The following SUGCT variants were observed in gnomAD, a reference collection of about 807,000 sequenced individuals.
The protein encoded by SUGCT is succinyl-CoA:glutarate-CoA transferase.
In SUGCT, 41 loss-of-function variants were observed where a neutral mutation model predicts 55.0. The observed-to-expected ratio is 0.74, with a 90% CI of 0.58 to 0.97. The LOEUF is 0.97. SUGCT is among the 50% of genes least tolerant of loss of function. The pLI is 0.00. For missense variants in SUGCT, 568 were observed against 547.8 expected (o/e 1.04, Z -0.37); for synonymous variants, 187 against 200.4 (o/e 0.93, Z 0.56).
chr7:41,034,533 C>T, the SUGCT span, among the ~76,000 whole-genome samples: 542 of 152,232 alleles, frequency 3.6e-3, 2 homozygotes, highest in African/African-American at 0.011. Context: ...CCCACAGAAG[C>T]GAGCTGATGA....
At chr7:40,814,128 A>AT (rs1356469518) in intron 13 of SUGCT, among the ~76,000 whole-genome samples, 1 of 151,820 alleles carries the variant, frequency 6.6e-6, no homozygotes, top group Non-Finnish European at 1.5e-5. Flanking sequence ...TGCTTTTAAG[A>AT]TTTTTTTCTT....
intron 8 of SUGCT, among the ~76,000 whole-genome samples, chr7:40,278,737 A>G (rs1792717177): frequency 6.7e-6 from 1 of 148,254 alleles, no homozygotes; most frequent in South Asian, 2.1e-4. Context: ...TTTCTCCTCT[A>G]TGCTCTTGAC....
chr7:40,346,903 C>A (rs1452220402), intron 9 of SUGCT, among the ~76,000 whole-genome samples: 1 of 152,180 alleles, frequency 6.6e-6, no homozygotes, highest in African/African-American at 2.4e-5. Context: ...TCAGCTGGAA[C>A]GCGATTCTCG....
At chr7:40,963,188 G>GT in the SUGCT span, among the ~76,000 whole-genome samples, 182 of 151,080 alleles carry the variant, frequency 1.2e-3, no homozygotes, top group Admixed American at 4.7e-3. Flanking sequence ...CAAGAATATT[G>GT]GTTTTTTTTT....
chr7:41,030,832 A>C, the SUGCT span, among the ~76,000 whole-genome samples: 1 of 152,126 alleles, frequency 6.6e-6, no homozygotes, highest in East Asian at 1.9e-4. Flanking sequence ...GTGAGGAGAA[A>C]GGGAGGAAAC....
chr7:40,137,105 T>G (rs1351335749), intron 1 of SUGCT, among the ~76,000 whole-genome samples: 3 of 151,774 alleles, frequency 2.0e-5, no homozygotes, highest in African/African-American at 7.3e-5. Context: ...AAAGTGAGAG[T>G]GGTGGGGACC....
At chr7:40,851,559 A>C (rs1179537860) in intron 13 of SUGCT, among the ~76,000 whole-genome samples, 1 of 152,206 alleles carries the variant, frequency 6.6e-6, no homozygotes, top group Non-Finnish European at 1.5e-5. Context: ...GTATGGGCAT[A>C]TGAAGCAGTT....
chr7:40,556,598 C>G (rs149136939), intron 12 of SUGCT, among the ~76,000 whole-genome samples: 6 of 152,186 alleles, frequency 3.9e-5, no homozygotes, highest in Non-Finnish European at 8.8e-5. Context: ...ATAATAGGAG[C>G]GTGGACTCTG....
chr7:40,313,632 TTTTTG>T (rs146399524), intron 8 of SUGCT, among the ~76,000 whole-genome samples: 46,497 of 151,686 alleles, frequency 0.31, 7,468 homozygotes, highest in Non-Finnish European at 0.37. Context: ...TGTTTGTTTG[TTTTTG>T]TTTTTGTTTT....
At chr7:40,247,103 C>T (rs905920597) in intron 7 of SUGCT, among the ~76,000 whole-genome samples, 1 of 152,048 alleles carries the variant, frequency 6.6e-6, no homozygotes, top group Admixed American at 6.6e-5. Flanking sequence ...GTATTGATTT[C>T]TCTTGGTATA....
intron 1 of SUGCT, among the ~76,000 whole-genome samples, chr7:40,174,189 AT>A (rs1462090076): frequency 6.6e-6 from 1 of 151,888 alleles, no homozygotes; most frequent in Admixed American, 6.6e-5. Flanking sequence ...TGCCTGGCTA[AT>A]TTTTGTATTT....
chr7:40,832,562 G>GTT (rs66508711), intron 13 of SUGCT, among the ~76,000 whole-genome samples: 26,094 of 139,564 alleles, frequency 0.19, 2,560 homozygotes, highest in East Asian at 0.41. Flanking sequence ...GGTTTTTTTT[G>GTT]TTTTTTTTTT....
At chr7:40,736,509 T>TA (rs1465565592) in intron 12 of SUGCT, among the ~76,000 whole-genome samples, 1 of 151,568 alleles carries the variant, frequency 6.6e-6, no homozygotes, top group Non-Finnish European at 1.5e-5. Context: ...ATACATTAAA[T>TA]AAAAAGGTAT....
At chr7:40,400,420 C>G (rs141374746) in intron 9 of SUGCT, among the ~76,000 whole-genome samples, 1 of 152,218 alleles carries the variant, frequency 6.6e-6, no homozygotes, top group Non-Finnish European at 1.5e-5. Flanking sequence ...GGTCACATAG[C>G]GAGAACATAG....
At chr7:40,407,294 A>G (rs1226695636) in intron 9 of SUGCT, among the ~76,000 whole-genome samples, 1 of 152,042 alleles carries the variant, frequency 6.6e-6, no homozygotes, top group East Asian at 1.9e-4. Flanking sequence ...TGATATTCCA[A>G]AAGCTGGATG....
intron 13 of SUGCT, among the ~76,000 whole-genome samples, chr7:40,778,024 A>T (rs532576991): frequency 6.6e-6 from 1 of 151,278 alleles, no homozygotes. Context: ...CCACCTTTCC[A>T]CTCTAGTGGC....
chr7:40,439,782 C>A (rs569862125), intron 9 of SUGCT, among the ~76,000 whole-genome samples: 1 of 152,196 alleles, frequency 6.6e-6, no homozygotes, highest in East Asian at 1.9e-4. Context: ...GCTTTCAGTC[C>A]GTGCTCATCC....
the SUGCT span, among the ~76,000 whole-genome samples, chr7:41,022,077 G>A: frequency 6.6e-6 from 1 of 151,370 alleles, no homozygotes; most frequent in African/African-American, 2.4e-5. Context: ...ATTGATTAAA[G>A]TAATCAGTTC....
chr7:40,657,387 G>A (rs17171754), intron 12 of SUGCT, among the ~76,000 whole-genome samples: 6,416 of 152,156 alleles, frequency 0.042, 451 homozygotes, highest in African/African-American at 0.15. Flanking sequence ...ATCGATGCTA[G>A]CCTATCATAT....
Sources: allele counts gnomAD v4.1 joint callset (sites outside exome capture counted in the v4.1 genomes callset), GRCh38; gene constraint gnomAD v4.1.1; transcripts MANE v1.5; gene names NCBI Gene and HGNC (gene_info 2026-07-23, HGNC 2026-07-21).